The following TIAM1 variants were observed in gnomAD, a reference collection of about 807,000 sequenced individuals.
TIAM1 encodes the protein TIAM Rac1 associated GEF 1, also known as rho guanine nucleotide exchange factor TIAM1.
In TIAM1, 65 loss-of-function variants were observed where a neutral mutation model predicts 163.5. The ratio of observed to expected loss-of-function variants is 0.40; its 90% CI spans 0.33 to 0.49. The LOEUF (loss-of-function observed/expected upper bound fraction) is 0.49. Ranked by LOEUF, TIAM1 falls within the 20% of genes least tolerant of loss-of-function variation. The pLI, the probability that TIAM1 is intolerant of heterozygous loss-of-function variation, is 0.77. For missense variants in TIAM1, 1,789 were observed against 2,044.7 expected (o/e 0.87, Z 2.41); for synonymous variants, 833 against 810.1 (o/e 1.03, Z -0.48).
rs143123730 is a variant in TIAM1, at chr21:31,135,973, C to A, written c.3843G>T (p.Ser1281=). Reference sequence around the variant, plus strand: ...CTGGTTCCTTTTTCCACTTGCCCAGCGAGGCCGGCGGGTTCAGCCAGATCA... The same window carrying A: ...CTGGTTCCTTTTTCCACTTGCCCAGAGAGGCCGGCGGGTTCAGCCAGATCA... ...TTVIWLNPPA[S]LGKWKKEPEL... is the part of the protein sequence containing the mutation. The change falls in exon 23 of 28, where the codon TCG becomes TCT. Residue 1281 remains serine (S), a synonymous_variant. Coordinates refer to ENST00000541036, the MANE Select transcript of TIAM1 (RefSeq NM_001353694.2). 66 of 1,614,150 alleles carry A rather than the reference C, an allele frequency of 4.1e-5. No individual in the cohort carries two copies. Among genetic ancestry groups the A allele is most frequent in the Non-Finnish European group, 5.5e-5 (65 of 1,180,030 alleles).
In TIAM1 at chr21:31,120,590, G is replaced by C; in HGVS notation, c.4554C>G (p.Ala1518=). 2 of 1,614,176 alleles carry C rather than the reference G, an allele frequency of 1.2e-6. No homozygotes were observed. The highest frequency in any genetic ancestry group is 2.2e-5 in the South Asian group (2 of 91,086). ...DDEFCESVKG[A]SVDRDLQERL... ...GCTCCTGCAGGTCTCTGTCCACTGA[G>C]GCACCCTTCACGGACTCACAGAACT... The change falls in exon 28 of 28, where the codon GCC becomes GCG. Residue 1518 remains alanine (A), a synonymous_variant. Transcript: ENST00000541036. The surrounding 1 kb of genome is among the most constrained non-coding windows in gnomAD (Gnocchi z 4.2).
chr21:31,515,227 CCTT>C (rs1166245233), intron 1 of TIAM1, among the ~76,000 whole-genome samples: 2 of 152,120 alleles, frequency 1.3e-5, no homozygotes, highest in African/African-American at 4.8e-5. Context: ...CTGGAGGGCC[CCTT>C]CTTCTTTTGT....
At chr21:31,463,727 G>C (rs901695281) in intron 2 of TIAM1, among the ~76,000 whole-genome samples, 1 of 151,542 alleles carries the variant, frequency 6.6e-6, no homozygotes, top group Non-Finnish European at 1.5e-5. Flanking sequence ...CCGAGGCAGG[G>C]GAATGGCTTA....
At chr21:31,128,220 C>G (rs1381412287) in intron 25 of TIAM1, among the ~76,000 whole-genome samples, 1 of 152,158 alleles carries the variant, frequency 6.6e-6, no homozygotes, top group African/African-American at 2.4e-5. Context: ...ATTGTACAAA[C>G]TTTCCAAACT....
chr21:31,259,629 A>AAACAATAAT (rs1555908936), intron 4 of TIAM1, among the ~76,000 whole-genome samples: 1 of 146,256 alleles, frequency 6.8e-6, no homozygotes, highest in Non-Finnish European at 1.5e-5. Context: ...TAAAAAAATA[A>AAACAATAAT]AATAATAATA....
chr21:31,278,220 C>A (rs1353444323), intron 2 of TIAM1, among the ~76,000 whole-genome samples: 1 of 152,202 alleles, frequency 6.6e-6, no homozygotes, highest in Non-Finnish European at 1.5e-5. Context: ...ATTGTATACA[C>A]GTTTTCTTAC....
intron 2 of TIAM1, among the ~76,000 whole-genome samples, chr21:31,453,632 G>A (rs1044563084): frequency 6.6e-6 from 1 of 151,696 alleles, no homozygotes; most frequent in African/African-American, 2.4e-5. Context: ...GGCAGAGGTT[G>A]CAGTGAGATT....
chr21:31,252,331 T>TGGTCCAGGGTTGAGCA, intron 4 of TIAM1, 142 bp from the exon 5 acceptor site: 1 of 890,072 alleles, frequency 1.1e-6, no homozygotes, highest in Non-Finnish European at 1.7e-6. Flanking sequence ...TGACGGCTCC[T>TGGTCCAGGGTTGAGCA]GGACCAGGTC....
At chr21:31,128,114 G>A (rs775986337) in intron 25 of TIAM1, among the ~76,000 whole-genome samples, 1 of 152,216 alleles carries the variant, frequency 6.6e-6, no homozygotes, top group Non-Finnish European at 1.5e-5. Flanking sequence ...GCCATACATT[G>A]TGAAGTCTCA....
At position 31,246,342 on chromosome 21, in the gene TIAM1, C is replaced by G. The variant is rs959255228; in HGVS notation, c.1412-682G>C. On this transcript the variant is annotated intron_variant, in intron 5 of 27. Coordinates refer to ENST00000541036, the MANE Select transcript of TIAM1 (RefSeq NM_001353694.2). ...GTCCATGCATAATTGCACTGTGAAA[C>G]TAACAAGATAGTAGCAACAGAATAT... 1.9e-4 allele frequency among the ~76,000 whole-genome samples: 29 copies of G among 152,180 alleles called. 1 individual carries two copies. Among genetic ancestry groups the G allele is most frequent in the Middle Eastern group, 3.4e-3 (1 of 292 alleles).
intron 2 of TIAM1, among the ~76,000 whole-genome samples, chr21:31,459,400 G>C (rs900830047): frequency 2.0e-5 from 3 of 152,168 alleles, no homozygotes; most frequent in African/African-American, 7.2e-5. Context: ...ATGCAGGCAA[G>C]AAGGAAGAAG....
At chr21:31,439,424 G>A (rs1204092157) in intron 2 of TIAM1, among the ~76,000 whole-genome samples, 1 of 152,092 alleles carries the variant, frequency 6.6e-6, no homozygotes, top group African/African-American at 2.4e-5. Flanking sequence ...CGGGTAGCTG[G>A]GATTACAGGC....
intron 1 of TIAM1, among the ~76,000 whole-genome samples, chr21:31,341,027 G>A (rs1461745532): frequency 3.9e-5 from 6 of 152,088 alleles, no homozygotes; most frequent in Non-Finnish European, 7.4e-5. Context: ...TTTATTCTAC[G>A]GCAGTAACTT....
At chr21:31,457,441 G>A (rs2045147673) in intron 2 of TIAM1, among the ~76,000 whole-genome samples, 1 of 152,152 alleles carries the variant, frequency 6.6e-6, no homozygotes, top group African/African-American at 2.4e-5. Flanking sequence ...ATTCCTTCCA[G>A]TCAAGACTTT....
intron 2 of TIAM1, among the ~76,000 whole-genome samples, chr21:31,338,278 T>C (rs1420108281): frequency 6.6e-6 from 1 of 152,204 alleles, no homozygotes; most frequent in Non-Finnish European, 1.5e-5. Context: ...ACAGGAATCA[T>C]GCATTCCTCA....
intron 1 of TIAM1, among the ~76,000 whole-genome samples, chr21:31,519,846 C>T (rs958307412): frequency 6.6e-6 from 1 of 152,042 alleles, no homozygotes; most frequent in African/African-American, 2.4e-5. Context: ...CTAGAGCAGT[C>T]GAATACATAG....
intron 15 of TIAM1, among the ~76,000 whole-genome samples, chr21:31,179,546 G>T (rs1198578177): frequency 7.3e-6 from 1 of 136,908 alleles, no homozygotes. Flanking sequence ...CCGCTTAATT[G>T]AAAAAAAAAA....
intron 2 of TIAM1, among the ~76,000 whole-genome samples, chr21:31,320,087 T>C (rs1443852724): frequency 6.6e-6 from 1 of 152,154 alleles, no homozygotes; most frequent in Non-Finnish European, 1.5e-5. Context: ...TATGTATATA[T>C]ACACCTATGC....
chr21:31,521,012 T>C (rs1272232429), intron 1 of TIAM1, among the ~76,000 whole-genome samples: 2 of 152,236 alleles, frequency 1.3e-5, no homozygotes, highest in Non-Finnish European at 1.5e-5. Flanking sequence ...GAACACAGCC[T>C]GCCACAGAGC....
Sources: gnomAD v4.1 joint callset for allele counts (sites outside exome capture counted in the v4.1 genomes callset) on GRCh38, gnomAD v4.1.1 for gene constraint, Gnocchi (gnomAD v3.1) non-coding constraint, MANE v1.5 for transcripts, NCBI Gene and HGNC (gene_info 2026-07-23, HGNC 2026-07-21) for gene names.